Variants in ADAMTSL3 observed in about 807,000 individuals in gnomAD.
The protein encoded by ADAMTSL3 is ADAMTS like 3.
In ADAMTSL3, 128 loss-of-function variants were observed where a neutral mutation model predicts 201.7. The observed-to-expected ratio is 0.63, with a 90% CI of 0.55 to 0.73. The LOEUF (loss-of-function observed/expected upper bound fraction) is 0.73. Ranked by LOEUF, ADAMTSL3 falls within the 30% of genes least tolerant of loss-of-function variation. The pLI, the probability that ADAMTSL3 is intolerant of heterozygous loss-of-function variation, is 0.00. For synonymous variants in ADAMTSL3, 738 were observed against 748.4 expected (o/e 0.99, Z 0.23); for missense variants, 1,990 against 2,119.6 (o/e 0.94, Z 1.20).
intron 7 of ADAMTSL3, among the ~76,000 whole-genome samples, chr15:83,843,374 G>A (rs1596305647): frequency 2.0e-5 from 3 of 152,166 alleles, no homozygotes; most frequent in South Asian, 4.1e-4. Context: ...ATCAGGTTCC[G>A]TATGCATGCG....
intron 3 of ADAMTSL3, among the ~76,000 whole-genome samples, chr15:83,745,563 C>A (rs74024556): frequency 1.3e-5 from 2 of 152,148 alleles, no homozygotes; most frequent in Admixed American, 1.3e-4. Context: ...GCACTTGCCC[C>A]GGCTCCTGCA....
chr15:83,655,309 C>T (rs1187592371), intron 1 of ADAMTSL3, among the ~76,000 whole-genome samples: 1 of 152,176 alleles, frequency 6.6e-6, no homozygotes, highest in African/African-American at 2.4e-5. Flanking sequence ...TGCTGTGTGA[C>T]CTTAGGCAGG....
At chr15:83,705,394 G>A (rs141308955) in intron 3 of ADAMTSL3, among the ~76,000 whole-genome samples, 44 of 152,292 alleles carry the variant, frequency 2.9e-4, no homozygotes, top group African/African-American at 1.0e-3. Flanking sequence ...GCTCTCCTCA[G>A]CTGTATAGCC....
At chr15:83,929,802 A>G (rs942810378) in intron 17 of ADAMTSL3, among the ~76,000 whole-genome samples, 1 of 151,560 alleles carries the variant, frequency 6.6e-6, no homozygotes, top group Non-Finnish European at 1.5e-5. Flanking sequence ...ACACACACAC[A>G]CTCAGACTCA....
intron 15 of ADAMTSL3, 101 bp downstream of exon 15, chr15:83,899,832 C>G: frequency 7.0e-7 from 1 of 1,420,934 alleles, no homozygotes; most frequent in Non-Finnish European, 9.4e-7. Context: ...ATTTAATATC[C>G]AAATGACCTG....
Position 83,982,338 on chromosome 15 carries a change from G to T in ADAMTSL3, c.2710G>T (p.Val904Phe). The change falls in exon 21 of 30, where the codon GTC (valine) becomes TTC (phenylalanine). Residue 904 changes from valine (V) to phenylalanine (F), a missense_variant. Physicochemically the swap from Val to Phe is conservative, Grantham distance 50 (BLOSUM62 -1). Coordinates refer to ENST00000286744, the MANE Select transcript of ADAMTSL3 (RefSeq NM_207517.3). Reference protein sequence around the residue: ...QGPQILSVQRVYIQTREEKRI... With the variant: ...QGPQILSVQRFYIQTREEKRI... ...TCCGCAGATCCTCAGTGTCCAGAGAGTCTACATTCAGACAAGGGAAGAGAA... is the reference window on the plus strand; with the variant it reads ...TCCGCAGATCCTCAGTGTCCAGAGATTCTACATTCAGACAAGGGAAGAGAA... 1 of 1,613,910 alleles carries T rather than the reference G, an allele frequency of 6.2e-7. No homozygotes were observed. The highest frequency in any genetic ancestry group is 8.5e-7 in the Non-Finnish European group (1 of 1,179,974).
In ADAMTSL3 at chr15:84,014,809, G is replaced by C; in HGVS notation, c.4156+85G>C. On this transcript the variant is annotated intron_variant, in intron 24 of 29. Coordinates refer to ENST00000286744, the MANE Select transcript of ADAMTSL3 (RefSeq NM_207517.3). ...CCAGTTTTGTTGATTTTGGAGTTGA[G>C]TGAACGAGATGGACATCAGATGGTT... The C allele has an allele frequency of 3.7e-6, 5 of 1,345,270 alleles. No individual in the cohort carries two copies. In the South Asian group the frequency reaches 6.7e-5, roughly 18 times the overall value. The allele number at this position is 1,345,270 out of a possible 1,614,324, so 83.3% of individuals were successfully genotyped here.
At chr15:83,826,518 A>T (rs1025200436) in intron 6 of ADAMTSL3, among the ~76,000 whole-genome samples, 14 of 151,024 alleles carry the variant, frequency 9.3e-5, no homozygotes, top group Admixed American at 2.0e-4. Flanking sequence ...TAGGACTTTT[A>T]AAAAAATTAT....
chr15:83,823,957 TCTTCTTCTTCTTCTTCTC>T (rs199992456), intron 6 of ADAMTSL3, among the ~76,000 whole-genome samples: 2,226 of 66,424 alleles, frequency 0.034, 109 homozygotes, highest in Admixed American at 0.091. Context: ...TTCTTCTTCT[TCTTCTTCTTCTTCTTCTC>T]CTCCTCCTCC....
intron 9 of ADAMTSL3, among the ~76,000 whole-genome samples, chr15:83,879,040 T>C (rs1474925104): frequency 6.6e-5 from 10 of 152,232 alleles, no homozygotes. Flanking sequence ...TTTAAAAAGC[T>C]ATTGGCATAC....
At chr15:83,753,751 T>A (rs1415066126) in intron 3 of ADAMTSL3, among the ~76,000 whole-genome samples, 2 of 152,128 alleles carry the variant, frequency 1.3e-5, no homozygotes, top group Non-Finnish European at 2.9e-5. Context: ...AATTAAGAGC[T>A]TTCTATGGTT....
chr15:83,934,030 A>C (rs1241815937), intron 17 of ADAMTSL3, among the ~76,000 whole-genome samples: 4 of 152,214 alleles, frequency 2.6e-5, no homozygotes, highest in South Asian at 2.1e-4. Context: ...GAATCCCTAC[A>C]CAGAGTCCCC....
chr15:83,821,040 C>CTCCA (rs2063855327), intron 6 of ADAMTSL3, among the ~76,000 whole-genome samples: 1 of 151,794 alleles, frequency 6.6e-6, no homozygotes, highest in Non-Finnish European at 1.5e-5. Context: ...CGCCACTGCA[C>CTCCA]TCCAGTCTGA....
intron 24 of ADAMTSL3, among the ~76,000 whole-genome samples, chr15:84,015,764 C>G (rs541403901): frequency 6.6e-5 from 10 of 152,292 alleles, no homozygotes; most frequent in African/African-American, 2.2e-4. Context: ...AATGATTTAT[C>G]CATGCTCCCT....
At chr15:84,001,422 A>C (rs970999374) in intron 23 of ADAMTSL3, among the ~76,000 whole-genome samples, 3 of 152,262 alleles carry the variant, frequency 2.0e-5, no homozygotes, top group African/African-American at 7.2e-5. Flanking sequence ...ACAGCATACA[A>C]AGTGGATATT....
chr15:83,707,426 A>G (rs535534051), intron 3 of ADAMTSL3, among the ~76,000 whole-genome samples: 1 of 152,356 alleles, frequency 6.6e-6, no homozygotes, highest in African/African-American at 2.4e-5. Context: ...ATCTCATGCA[A>G]TATTTTCAAT....
chr15:83,816,692 A>G (rs1003264145), intron 5 of ADAMTSL3, among the ~76,000 whole-genome samples: 1 of 152,228 alleles, frequency 6.6e-6, no homozygotes, highest in Non-Finnish European at 1.5e-5. Flanking sequence ...GATGGAGGAT[A>G]CAGTCCTCAT....
chr15:83,719,447 G>C (rs1037689767), intron 3 of ADAMTSL3, among the ~76,000 whole-genome samples: 1 of 152,052 alleles, frequency 6.6e-6, no homozygotes, highest in Non-Finnish European at 1.5e-5. Flanking sequence ...AAAAACCTAC[G>C]ACAACACTCT....
intron 7 of ADAMTSL3, among the ~76,000 whole-genome samples, chr15:83,854,416 A>C (rs2064687882): frequency 6.6e-6 from 1 of 152,160 alleles, no homozygotes; most frequent in African/African-American, 2.4e-5. Context: ...TTAGAATTGG[A>C]TTGAACATTT....
Sources: gnomAD v4.1 joint callset for allele counts (sites outside exome capture counted in the v4.1 genomes callset) on GRCh38, gnomAD v4.1.1 for gene constraint, MANE v1.5 for transcripts, NCBI Gene and HGNC (gene_info 2026-07-23, HGNC 2026-07-21) for gene names.